The following CYYR1 variants were observed in gnomAD, a reference collection of about 807,000 sequenced individuals.
CYYR1 encodes the protein cysteine and tyrosine-rich protein 1.
Under a neutral mutation model 15.2 loss-of-function variants are expected in CYYR1, and 14 were observed. That is an observed-to-expected ratio of 0.92 (90% CI 0.61 to 1.44). CYYR1 has a LOEUF of 1.44. Ranked by LOEUF, CYYR1 falls within the 40% of genes most tolerant of loss-of-function variation. The pLI is 0.00. For missense variants in CYYR1, 228 were observed against 209.5 expected, an observed-to-expected ratio of 1.09 and a Z score of -0.54; for synonymous variants, 80 against 77.4, an observed-to-expected ratio of 1.03 and a Z score of -0.18.
At chr21:26,531,693 A>G (rs1452014782) in intron 2 of CYYR1, among the ~76,000 whole-genome samples, 2 of 152,078 alleles carry the variant, frequency 1.3e-5, no homozygotes, top group African/African-American at 4.8e-5. Context: ...TTCTTCATAA[A>G]TTACCCAGTC....
chr21:26,555,364 T>C (rs769520636), intron 2 of CYYR1, among the ~76,000 whole-genome samples: 1 of 152,198 alleles, frequency 6.6e-6, no homozygotes, highest in African/African-American at 2.4e-5. Context: ...AAAAAAAATG[T>C]TGTATCCACA....
intron 1 of CYYR1, among the ~76,000 whole-genome samples, chr21:26,571,259 GCTTATTAGCTAAACA>G (rs1340436672): frequency 1.3e-5 from 2 of 152,202 alleles, no homozygotes; most frequent in Non-Finnish European, 2.9e-5. Flanking sequence ...ACACCAAAGA[GCTTATTAGCTAAACA>G]CTTCTTAGCA....
chr21:26,523,795 C>T (rs1352460421), intron 2 of CYYR1, among the ~76,000 whole-genome samples: 1 of 152,152 alleles, frequency 6.6e-6, no homozygotes, highest in Non-Finnish European at 1.5e-5. Flanking sequence ...ACCATCTTGC[C>T]TTCAGTACAT....
intron 2 of CYYR1, among the ~76,000 whole-genome samples, chr21:26,561,491 C>T (rs62216528): frequency 0.04 from 6,044 of 152,286 alleles, 183 homozygotes; most frequent in Non-Finnish European, 0.059. Flanking sequence ...TCATGCATAG[C>T]ATGGCTCTCA....
chr21:26,532,336 A>G (rs2065942373), intron 2 of CYYR1, among the ~76,000 whole-genome samples: 1 of 152,158 alleles, frequency 6.6e-6, no homozygotes, highest in African/African-American at 2.4e-5. Flanking sequence ...AGCAGCATGC[A>G]TTTGTAACAG....
At chr21:26,533,158 ATAT>A (rs139459005) in intron 2 of CYYR1, among the ~76,000 whole-genome samples, 11,001 of 149,600 alleles carry the variant, frequency 0.074, 596 homozygotes, top group African/African-American at 0.15. Context: ...ATTGTAGTAA[ATAT>A]TATTTACTAT....
At chr21:26,566,527 A>C (rs1166423644) in intron 1 of CYYR1, among the ~76,000 whole-genome samples, 159 bp from the exon 2 acceptor site, 1 of 152,148 alleles carries the variant, frequency 6.6e-6, no homozygotes, top group Non-Finnish European at 1.5e-5. Flanking sequence ...TAAGGATCTA[A>C]ATTAGCCTCT....
At chr21:26,549,864 C>T (rs17626310) in intron 2 of CYYR1, among the ~76,000 whole-genome samples, 3,197 of 152,068 alleles carry the variant, frequency 0.021, 47 homozygotes, top group Middle Eastern at 0.048. Flanking sequence ...TTCATTTTAC[C>T]CTCCGTGTAA....
At chr21:26,478,277 A>G (rs2065128558) in intron 3 of CYYR1, 1 of 1,113,510 alleles carries the variant, frequency 9.0e-7, no homozygotes, top group Non-Finnish European at 1.3e-6. Context: ...ACACATTACA[A>G]TCTTAAATAG....
chr21:26,572,044 T>C (rs1018461154), intron 1 of CYYR1, among the ~76,000 whole-genome samples: 2 of 152,250 alleles, frequency 1.3e-5, no homozygotes, highest in Non-Finnish European at 2.9e-5. Context: ...CAGTGCTATA[T>C]ATACATTTCG....
chr21:26,553,383 C>T (rs571160689), intron 2 of CYYR1, among the ~76,000 whole-genome samples: 1 of 152,116 alleles, frequency 6.6e-6, no homozygotes, highest in African/African-American at 2.4e-5. Flanking sequence ...TTTCTTTCAC[C>T]AAACTTGGGA....
intron 3 of CYYR1, chr21:26,477,922 A>C: frequency 7.6e-7 from 1 of 1,310,924 alleles, no homozygotes; most frequent in Non-Finnish European, 9.8e-7. Flanking sequence ...GAATATTTGA[A>C]ATTGCATGTT....
intron 2 of CYYR1, among the ~76,000 whole-genome samples, chr21:26,505,104 T>G (rs1985290259): frequency 6.6e-6 from 1 of 152,234 alleles, no homozygotes; most frequent in Non-Finnish European, 1.5e-5. Flanking sequence ...GAAAAAGTTC[T>G]GTGAACTAGA....
intron 2 of CYYR1, among the ~76,000 whole-genome samples, chr21:26,542,304 T>C (rs938505820): frequency 4.6e-5 from 7 of 151,392 alleles, no homozygotes; most frequent in East Asian, 1.9e-4. Flanking sequence ...TGTGTGTGTG[T>C]GTGTGTGTGT....
intron 2 of CYYR1, among the ~76,000 whole-genome samples, chr21:26,517,468 T>C (rs73898234): frequency 0.048 from 7,341 of 152,314 alleles, 207 homozygotes; most frequent in South Asian, 0.062. Flanking sequence ...TCCTCCTTTT[T>C]CTTCTATCTA....
At chr21:26,478,269 A>G (rs2065128462) in intron 3 of CYYR1, 7 of 1,180,166 alleles carry the variant, frequency 5.9e-6, no homozygotes, top group Non-Finnish European at 8.3e-6. Context: ...CAGAAGGGAC[A>G]CATTACAATC....
intron 2 of CYYR1, among the ~76,000 whole-genome samples, chr21:26,537,361 A>C (rs1978313860): frequency 6.6e-6 from 1 of 152,108 alleles, no homozygotes; most frequent in African/African-American, 2.4e-5. Context: ...AGAACACATA[A>C]AGGGATGATG....
chr21:26,485,927 T>C (rs1445429160), intron 2 of CYYR1, among the ~76,000 whole-genome samples: 1 of 152,144 alleles, frequency 6.6e-6, no homozygotes, highest in African/African-American at 2.4e-5. Flanking sequence ...CCTCTCTGCG[T>C]CCTTGCCAGT....
intron 2 of CYYR1, among the ~76,000 whole-genome samples, chr21:26,519,602 A>C (rs1000323987): frequency 1.3e-5 from 2 of 152,220 alleles, no homozygotes; most frequent in African/African-American, 4.8e-5. Context: ...AAAAAGGGAA[A>C]GTACTGAAGC....
Sources: gnomAD v4.1 joint callset for allele counts (sites outside exome capture counted in the v4.1 genomes callset) on GRCh38, gnomAD v4.1.1 for gene constraint, MANE v1.5 for transcripts, NCBI Gene and HGNC (gene_info 2026-07-23, HGNC 2026-07-21) for gene names.